Variants in DYRK1A observed in about 807,000 individuals in gnomAD.
The protein encoded by DYRK1A is dual specificity tyrosine phosphorylation regulated kinase 1A.
A neutral mutation model predicts 79.7 loss-of-function variants in DYRK1A; 9 were observed. The observed-to-expected ratio is 0.11, with a 90% CI of 0.07 to 0.20. The LOEUF (loss-of-function observed/expected upper bound fraction) is 0.20. Among genes scored for constraint, DYRK1A ranks in the 10% least tolerant of loss-of-function variants. DYRK1A has a pLI of 1.00. For synonymous variants in DYRK1A, 349 were observed against 329.7 expected (o/e 1.06, Z -0.63); for missense variants, 622 against 956.0 (o/e 0.65, Z 4.61).
chr21:37,403,552 C>CA (rs1405697778), intron 1 of DYRK1A, among the ~76,000 whole-genome samples: 1 of 151,762 alleles, frequency 6.6e-6, no homozygotes, highest in Non-Finnish European at 1.5e-5. Flanking sequence ...TGCTACCTCA[C>CA]ACTGCTGGGC....
intron 1 of DYRK1A, among the ~76,000 whole-genome samples, chr21:37,397,512 T>G (rs2049978406): frequency 6.6e-6 from 1 of 152,152 alleles, no homozygotes; most frequent in Non-Finnish European, 1.5e-5. Context: ...TAGGAGCACT[T>G]AAGTACACAT....
At chr21:37,407,995 A>G (rs537203120) in intron 1 of DYRK1A, among the ~76,000 whole-genome samples, 1 of 143,976 alleles carries the variant, frequency 6.9e-6, no homozygotes, top group South Asian at 2.3e-4. Flanking sequence ...TGTTAACACA[A>G]TGAATGCTTC....
intron 1 of DYRK1A, among the ~76,000 whole-genome samples, chr21:37,416,404 C>T (rs2050342036): frequency 3.0e-5 from 4 of 134,528 alleles, no homozygotes; most frequent in African/African-American, 1.1e-4. Flanking sequence ...TAGGATTTCA[C>T]TTGAAATCCT....
At chr21:37,492,774 G>T (rs1294619339) in intron 7 of DYRK1A, among the ~76,000 whole-genome samples, 1 of 152,008 alleles carries the variant, frequency 6.6e-6, no homozygotes, top group Non-Finnish European at 1.5e-5. Context: ...GACTAGGTAG[G>T]ATTAGACTAA....
At chr21:37,435,074 A>G (rs753305950) in intron 2 of DYRK1A, among the ~76,000 whole-genome samples, 6 of 152,240 alleles carry the variant, frequency 3.9e-5, no homozygotes, top group African/African-American at 9.6e-5. Flanking sequence ...GGAGTAAAGT[A>G]GAATATGTTT....
At chr21:37,467,514 A>G (rs1400618962) in intron 2 of DYRK1A, among the ~76,000 whole-genome samples, 1 of 152,200 alleles carries the variant, frequency 6.6e-6, no homozygotes, top group Non-Finnish European at 1.5e-5. Context: ...ACTGGTGGGA[A>G]CCACCATGCT....
At chr21:37,417,532 T>TTTCTTTTTC (rs1359830292) in intron 1 of DYRK1A, among the ~76,000 whole-genome samples, 6 of 73,814 alleles carry the variant, frequency 8.1e-5, no homozygotes, top group Non-Finnish European at 1.6e-4. Flanking sequence ...TCTTTTTCTT[T>TTTCTTTTTC]TTTTTTTTTT....
Position 37,511,907 on chromosome 21 carries a change from T to C in DYRK1A, c.1645-4T>C, listed in dbSNP as rs2148661946. 16 of 1,608,506 alleles carry C rather than the reference T, an allele frequency of 9.9e-6. No individual in the cohort carries two copies. The highest frequency in any genetic ancestry group is 1.3e-5 in the Non-Finnish European group (15 of 1,175,632). On this transcript the variant is annotated splice_region_variant and splice_polypyrimidine_tract_variant and intron_variant, in intron 11 of 11. Transcript: ENST00000647188. ...AAAATCCTTTTAAAAATCTGTTCTT[T>C]CAGGTGCGTCAGCAATTTCCTGCTC...
upstream of DYRK1A, chr21:37,366,003 A>T (rs1288533062): frequency 6.6e-6 from 1 of 152,044 alleles, no homozygotes; most frequent in African/African-American, 2.4e-5. Flanking sequence ...GGCCCGGCGC[A>T]GCGTCCGGAA....
At chr21:37,428,248 G>A (rs184555985) in intron 2 of DYRK1A, among the ~76,000 whole-genome samples, 2 of 152,244 alleles carry the variant, frequency 1.3e-5, no homozygotes, top group Admixed American at 1.3e-4. Flanking sequence ...TCATGGTGTC[G>A]TTTTATACAA....
At chr21:37,377,360 C>G (rs1165469090) in intron 1 of DYRK1A, among the ~76,000 whole-genome samples, 1 of 152,142 alleles carries the variant, frequency 6.6e-6, no homozygotes, top group African/African-American at 2.4e-5. Flanking sequence ...ACCTCGTGAT[C>G]CGCTTACCTC....
intron 2 of DYRK1A, among the ~76,000 whole-genome samples, chr21:37,424,491 TTTGAATA>T: frequency 6.6e-6 from 1 of 152,116 alleles, no homozygotes. Flanking sequence ...TTGAGGTCAT[TTTGAATA>T]TTCAGGATGA....
At chr21:37,372,872 C>G (rs1170199042) in intron 1 of DYRK1A, among the ~76,000 whole-genome samples, 3 of 151,952 alleles carry the variant, frequency 2.0e-5, no homozygotes, top group Non-Finnish European at 4.4e-5. Flanking sequence ...TTTTTTTGGC[C>G]AAGCAGGACC....
Position 37,447,331 on chromosome 21 carries a change from C to G in DYRK1A, c.11-25353C>G, listed in dbSNP as rs559194735. Among the ~76,000 whole-genome samples, 8 of 152,088 alleles carry G rather than the reference C, an allele frequency of 5.3e-5. No individual in the cohort carries two copies. The Middle Eastern group carries it at 0.01, about 194-fold the overall frequency. ...TTATAAATAAATATATTTTATGATACTAATATATAAGTGTACATATATATA... is the reference window on the plus strand; with the variant it reads ...TTATAAATAAATATATTTTATGATAGTAATATATAAGTGTACATATATATA... On this transcript the variant is annotated intron_variant, in intron 2 of 11. Coordinates refer to ENST00000647188, the MANE Select transcript of DYRK1A (RefSeq NM_001347721.2).
At chr21:37,438,060 C>G (rs2050979091) in intron 2 of DYRK1A, among the ~76,000 whole-genome samples, 1 of 152,128 alleles carries the variant, frequency 6.6e-6, no homozygotes, top group African/African-American at 2.4e-5. Flanking sequence ...GTAGTGATAT[C>G]TCATTGTGTT....
At chr21:37,403,957 C>T (rs1031153387) in intron 1 of DYRK1A, among the ~76,000 whole-genome samples, 3 of 151,882 alleles carry the variant, frequency 2.0e-5, no homozygotes, top group African/African-American at 7.3e-5. Context: ...ATATGGTGGA[C>T]CATGACTTTC....
At chr21:37,488,613 G>T (rs2052960539) in intron 6 of DYRK1A, 1 of 985,336 alleles carries the variant, frequency 1.0e-6, no homozygotes, top group Non-Finnish European at 1.2e-6. Context: ...GAACAAATAT[G>T]CTTGTTTGAG....
chr21:37,482,416 C>T (rs559340569), intron 5 of DYRK1A, among the ~76,000 whole-genome samples: 11 of 152,186 alleles, frequency 7.2e-5, no homozygotes, highest in East Asian at 3.9e-4. Flanking sequence ...CCCCACAAGC[C>T]GCAAAACCAG....
chr21:37,396,528 GTTTTTTTT>G (rs57982192), intron 1 of DYRK1A, among the ~76,000 whole-genome samples: 1 of 146,036 alleles, frequency 6.8e-6, no homozygotes, highest in African/African-American at 2.5e-5. Flanking sequence ...AAGTTTTTTT[GTTTTTTTT>G]TTTAAGTGTA....
Sources: gnomAD v4.1 joint callset for allele counts (sites outside exome capture counted in the v4.1 genomes callset) on GRCh38, gnomAD v4.1.1 for gene constraint, MANE v1.5 for transcripts, NCBI Gene and HGNC (gene_info 2026-07-23, HGNC 2026-07-21) for gene names.